The following CNIH3 variants were observed in gnomAD, a reference collection of about 807,000 sequenced individuals.
The protein encoded by CNIH3 is protein cornichon homolog 3.
In CNIH3, 14 loss-of-function variants were observed where a neutral mutation model predicts 24.1. That is an observed-to-expected ratio of 0.58 (90% confidence interval 0.38 to 0.91). The LOEUF (loss-of-function observed/expected upper bound fraction) is 0.91. Among genes scored for constraint, CNIH3 ranks in the 40% least tolerant of loss-of-function variants. CNIH3 has a pLI of 0.00. For missense variants in CNIH3, 178 were observed against 196.8 expected (o/e 0.90, Z 0.57); for synonymous variants, 68 against 73.8 (o/e 0.92, Z 0.40).
In CNIH3 at chr1:224,616,908, C is replaced by A; in HGVS notation, c.-267C>A. ...TTCGCTGCTGATTTGGTTTCTTCTTCGATTTGCGGACGGTTCCCTCCAGCG... is the reference window on the plus strand; with the variant it reads ...TTCGCTGCTGATTTGGTTTCTTCTTAGATTTGCGGACGGTTCCCTCCAGCG... On this transcript the variant is annotated 5_prime_UTR_variant, in exon 1 of 6. The change creates a premature stop within an existing upstream ORF in the 5' untranslated region. Coordinates refer to ENST00000272133, the MANE Select transcript of CNIH3 (RefSeq NM_152495.2). 1 of 1,303,014 alleles carries A rather than the reference C, an allele frequency of 7.7e-7. No individual in the cohort carries two copies. Among genetic ancestry groups the A allele is most frequent in the Non-Finnish European group, 9.7e-7 (1 of 1,028,722 alleles). 80.7% of individuals were successfully genotyped at this position (1,303,014 alleles called of 1,614,324 possible). A position where few individuals can be genotyped will look rare whatever the true frequency, so the allele number is the denominator to read the frequency against.
intron 1 of CNIH3, chr1:224,435,198 G>T (rs950446670): frequency 3.0e-6 from 3 of 986,436 alleles, no homozygotes; most frequent in Non-Finnish European, 3.6e-6. Flanking sequence ...GTGAGGATGG[G>T]GCAGGGGGCT....
At chr1:224,650,628 G>C (rs1324719773) in intron 1 of CNIH3, among the ~76,000 whole-genome samples, 1 of 152,146 alleles carries the variant, frequency 6.6e-6, no homozygotes, top group Non-Finnish European at 1.5e-5. Context: ...TGGAGGGAAG[G>C]ACTGCTCCAA....
intron 1 of CNIH3, among the ~76,000 whole-genome samples, chr1:224,507,253 T>C (rs574983947): frequency 5.3e-5 from 8 of 152,272 alleles, no homozygotes; most frequent in Non-Finnish European, 1.2e-4. Context: ...AAAAGAGCGG[T>C]GCACGAGGCC....
chr1:224,733,004 C>T (rs1021170900), intron 4 of CNIH3, among the ~76,000 whole-genome samples: 4 of 152,126 alleles, frequency 2.6e-5, no homozygotes, highest in Non-Finnish European at 4.4e-5. Flanking sequence ...CTTGTACACC[C>T]TTTATCCCCC....
Position 224,684,756 on chromosome 1 carries a change from C to CT in CNIH3, c.151-39dup. ...TTCTCATGCTATTTTAGCAGAACCCCTAACCTCCCCTCTCATTTCTTTCTT... is the reference window on the plus strand; with the variant it reads ...TTCTCATGCTATTTTAGCAGAACCCCTTAACCTCCCCTCTCATTTCTTTCTT... On this transcript the variant is annotated intron_variant, in intron 2 of 5. Coordinates refer to ENST00000272133, the MANE Select transcript of CNIH3 (RefSeq NM_152495.2). The surrounding 1 kb of genome is among the most constrained non-coding windows in gnomAD (Gnocchi z 4.2). 6.3e-7 allele frequency: 1 copy of CT among 1,596,292 alleles called. No homozygotes were observed. The highest frequency in any genetic ancestry group is 1.7e-5 in the Admixed American group (1 of 60,008).
intron 1 of CNIH3, among the ~76,000 whole-genome samples, chr1:224,480,995 G>A (rs1676785471): frequency 1.3e-5 from 2 of 152,226 alleles, no homozygotes; most frequent in Non-Finnish European, 2.9e-5. Context: ...AGACATACAT[G>A]AGACTGGGCA....
chr1:224,633,863 A>AT (rs1180799584), intron 1 of CNIH3, among the ~76,000 whole-genome samples: 1 of 152,334 alleles, frequency 6.6e-6, no homozygotes, highest in East Asian at 1.9e-4. Context: ...CTTTGGTTTA[A>AT]TTTTTTAGCT....
At chr1:224,707,054 C>T (rs1011636226) in intron 3 of CNIH3, among the ~76,000 whole-genome samples, 38 of 145,112 alleles carry the variant, frequency 2.6e-4, no homozygotes, top group African/African-American at 5.3e-4. Context: ...ACCTCTACCT[C>T]GTGAGTTCAA....
At chr1:224,720,951 G>T (rs995134799) in intron 3 of CNIH3, among the ~76,000 whole-genome samples, 1 of 152,156 alleles carries the variant, frequency 6.6e-6, no homozygotes. Context: ...TGGCCACTAC[G>T]TTCTGCCTTC....
chr1:224,610,895 T>C (rs1020885065), intron 3 of CNIH3, among the ~76,000 whole-genome samples: 1 of 152,194 alleles, frequency 6.6e-6, no homozygotes, highest in Non-Finnish European at 1.5e-5. Context: ...GCACTGTCTC[T>C]CTTATACACC....
At chr1:224,685,834 C>T (rs1686628569) in intron 3 of CNIH3, among the ~76,000 whole-genome samples, 1 of 151,876 alleles carries the variant, frequency 6.6e-6, no homozygotes, top group Admixed American at 6.6e-5. Context: ...TGTTAGAATC[C>T]CATATCTTGT....
intron 1 of CNIH3, among the ~76,000 whole-genome samples, chr1:224,443,938 A>G (rs1413026434): frequency 1.3e-5 from 2 of 152,196 alleles, no homozygotes; most frequent in African/African-American, 4.8e-5. Flanking sequence ...GACAAGAGTC[A>G]TAAATAGGCA....
At chr1:224,539,489 C>T (rs111997153), downstream of CNIH3, among the ~76,000 whole-genome samples, 2,573 of 152,320 alleles carry the variant, frequency 0.017, 62 homozygotes, top group African/African-American at 0.054. Context: ...ATCTTTCTCT[C>T]TGATCCAGTT....
intron 1 of CNIH3, among the ~76,000 whole-genome samples, chr1:224,483,333 G>C (rs1676887778): frequency 6.6e-6 from 1 of 152,042 alleles, no homozygotes; most frequent in Admixed American, 6.5e-5. Flanking sequence ...CTGGGTGACA[G>C]AGTAAGACTC....
chr1:224,487,534 A>G (rs1302299330), intron 1 of CNIH3, among the ~76,000 whole-genome samples: 3 of 152,094 alleles, frequency 2.0e-5, no homozygotes, highest in African/African-American at 7.2e-5. Flanking sequence ...TTCCCTCCAT[A>G]TTTTACTGAC....
At position 224,714,429 on chromosome 1, in the gene CNIH3, C is replaced by T. The variant is rs544349773; in HGVS notation, c.199-16033C>T. The stretch of plus-strand genomic sequence containing the variant: ...GAGTCGCCAGTGGTGGGAGCAGAGA[C>T]GAGATGTGTGCTGGCTGTTTCCTTT... On this transcript the variant is annotated intron_variant, in intron 3 of 5. Transcript: ENST00000272133. 1.7e-4 allele frequency among the ~76,000 whole-genome samples: 26 copies of T among 152,256 alleles called. No homozygotes were observed. The South Asian group carries it at 4.6e-3, about 27-fold the overall frequency.
chr1:224,633,159 T>C (rs958644503), intron 1 of CNIH3, among the ~76,000 whole-genome samples: 22 of 151,608 alleles, frequency 1.5e-4, no homozygotes, highest in African/African-American at 5.3e-4. Flanking sequence ...TCAGTTAAGA[T>C]TTTTTTTTCT....
At chr1:224,727,122 G>A (rs1351890276) in intron 3 of CNIH3, among the ~76,000 whole-genome samples, 2 of 152,228 alleles carry the variant, frequency 1.3e-5, no homozygotes, top group East Asian at 3.8e-4. Context: ...ACAGGGAGCT[G>A]TGTCCTGCCG....
chr1:224,627,809 G>A lies in CNIH3; in HGVS notation c.81+10554G>A, dbSNP rs189283951. Among the ~76,000 whole-genome samples the A allele has an allele frequency of 2.1e-4, 32 of 152,288 alleles. No individual in the cohort carries two copies. In the East Asian group the frequency reaches 3.3e-3, roughly 16 times the overall value. On this transcript the variant is annotated intron_variant, in intron 1 of 5. Coordinates refer to ENST00000272133, the MANE Select transcript of CNIH3 (RefSeq NM_152495.2). ...AGGGAATGGCTTCTCTCTCCAGGGG[G>A]CTGCCTGCTTTCTGCCACTGCCACG...
Sources: allele counts gnomAD v4.1 joint callset (sites outside exome capture counted in the v4.1 genomes callset), GRCh38; gene constraint gnomAD v4.1.1; non-coding constraint Gnocchi (gnomAD v3.1); transcripts MANE v1.5; gene names NCBI Gene and HGNC (gene_info 2026-07-23, HGNC 2026-07-21).